LRP1B: variants seen among roughly 807,000 people sequenced by gnomAD.
LRP1B encodes the protein low-density lipoprotein receptor-related protein 1B.
LRP1B carries 217 observed loss-of-function variants against 556.6 expected under a neutral mutation model. The ratio of observed to expected loss-of-function variants is 0.39; its 90% confidence interval spans 0.35 to 0.44. The LOEUF is 0.44. Among genes scored for constraint, LRP1B ranks in the 20% least tolerant of loss-of-function variants. LRP1B has a pLI of 1.00. For missense variants in LRP1B, 5,053 were observed against 5,620.8 expected (o/e 0.90, Z 3.23); for synonymous variants, 2,047 against 1,865.8 (o/e 1.10, Z -2.50).
At chr2:141,114,855 T>A (rs980053320) in intron 7 of LRP1B, among the ~76,000 whole-genome samples, 14 of 150,412 alleles carry the variant, frequency 9.3e-5, no homozygotes, top group Non-Finnish European at 3.0e-5. Context: ...CACATACATG[T>A]CATGAAAACA....
chr2:141,519,040 A>ACCGTG (rs113830084), intron 2 of LRP1B, among the ~76,000 whole-genome samples: 92,059 of 152,012 alleles, frequency 0.61, 28,201 homozygotes, highest in South Asian at 0.7. Context: ...AACTTGAGAA[A>ACCGTG]ATCGCTTTAA....
chr2:141,122,435 C>T (rs942585858), intron 7 of LRP1B, among the ~76,000 whole-genome samples: 99 of 149,300 alleles, frequency 6.6e-4, no homozygotes, highest in East Asian at 3.9e-3. Context: ...AAAAAGTGGG[C>T]AAAGGATATG....
chr2:140,459,937 T>C (rs1687249911), intron 60 of LRP1B, among the ~76,000 whole-genome samples: 1 of 152,198 alleles, frequency 6.6e-6, no homozygotes, highest in Non-Finnish European at 1.5e-5. Flanking sequence ...GCCATGATTG[T>C]AAGTTTTCTC....
chr2:140,740,504 C>T (rs922895761), intron 35 of LRP1B, among the ~76,000 whole-genome samples: 5 of 151,968 alleles, frequency 3.3e-5, no homozygotes, highest in African/African-American at 1.2e-4. Flanking sequence ...TTGAGGACTT[C>T]GGGGGAAGGA....
chr2:142,028,742 C>T (rs563258465), intron 1 of LRP1B, among the ~76,000 whole-genome samples: 173 of 152,060 alleles, frequency 1.1e-3, no homozygotes, highest in African/African-American at 3.9e-3. Flanking sequence ...AAAGTGTCAA[C>T]TATTTTCCAA....
chr2:140,997,478 G>A (rs1697280158), intron 15 of LRP1B, among the ~76,000 whole-genome samples: 2 of 151,780 alleles, frequency 1.3e-5, no homozygotes, highest in Admixed American at 6.6e-5. Flanking sequence ...ATAACCTGTG[G>A]TGTGCATGAA....
chr2:140,238,523 A>G (rs1158935282), intron 88 of LRP1B, among the ~76,000 whole-genome samples: 1 of 150,968 alleles, frequency 6.6e-6, no homozygotes. Flanking sequence ...AGCCGAAATG[A>G]CATCATTTGA....
intron 2 of LRP1B, among the ~76,000 whole-genome samples, chr2:141,576,416 A>G (rs1273428170): frequency 6.6e-6 from 1 of 152,178 alleles, no homozygotes; most frequent in Non-Finnish European, 1.5e-5. Flanking sequence ...ACATGGACAC[A>G]GAGAGGGGAA....
At chr2:140,438,419 T>G (rs558743477) in intron 66 of LRP1B, among the ~76,000 whole-genome samples, 6 of 152,334 alleles carry the variant, frequency 3.9e-5, no homozygotes, top group Admixed American at 1.3e-4. Flanking sequence ...ACTGTATAGC[T>G]TATAGCTATA....
At chr2:141,585,403 G>A (rs949302960) in intron 2 of LRP1B, among the ~76,000 whole-genome samples, 2 of 151,116 alleles carry the variant, frequency 1.3e-5, no homozygotes, top group Non-Finnish European at 2.9e-5. Context: ...AGAAGTGCTT[G>A]TGAGTGTCCT....
intron 3 of LRP1B, among the ~76,000 whole-genome samples, chr2:141,276,713 G>A (rs984585307): frequency 3.7e-4 from 53 of 143,336 alleles, no homozygotes; most frequent in African/African-American, 1.4e-3. Context: ...CTGGAGTGCA[G>A]TGGCAAGATC....
chr2:140,487,190 A>C (rs574077118), intron 58 of LRP1B, among the ~76,000 whole-genome samples: 1 of 152,046 alleles, frequency 6.6e-6, no homozygotes, highest in African/African-American at 2.4e-5. Flanking sequence ...TCAATTATTT[A>C]CAACTGTAAT....
At chr2:141,438,290 C>G (rs1345375908) in intron 3 of LRP1B, among the ~76,000 whole-genome samples, 1 of 151,924 alleles carries the variant, frequency 6.6e-6, no homozygotes, top group East Asian at 1.9e-4. Context: ...TATGTGTGTG[C>G]ATGTGTGTAA....
chr2:141,576,826 TTTA>T (rs1574097340), intron 2 of LRP1B, among the ~76,000 whole-genome samples: 1 of 150,270 alleles, frequency 6.7e-6, no homozygotes, highest in East Asian at 1.9e-4. Context: ...CTTTTTTTTT[TTTA>T]AATTTTTTTG....
intron 3 of LRP1B, among the ~76,000 whole-genome samples, chr2:141,344,533 T>G (rs972956631): frequency 2.6e-5 from 4 of 152,176 alleles, no homozygotes; most frequent in African/African-American, 9.6e-5. Flanking sequence ...AACCCTGTGG[T>G]CACTCTATGT....
At chr2:140,670,332 A>C (rs912337029) in intron 41 of LRP1B, among the ~76,000 whole-genome samples, 1 of 152,128 alleles carries the variant, frequency 6.6e-6, no homozygotes, top group African/African-American at 2.4e-5. Flanking sequence ...AGATATTGAC[A>C]AAAAAAGGTA....
chr2:140,812,950 T>C (rs1040097965), intron 32 of LRP1B, among the ~76,000 whole-genome samples: 3 of 152,138 alleles, frequency 2.0e-5, no homozygotes, highest in African/African-American at 7.2e-5. Context: ...CAAAGAGTTC[T>C]TTTTTATGCA....
rs575932325 is a variant in LRP1B at position 141,190,258 on chromosome 2, T to A, written c.851-1675A>T. Among the ~76,000 whole-genome samples, 133 of 152,104 alleles carry A rather than the reference T, an allele frequency of 8.7e-4. 1 individual carries two copies. Among genetic ancestry groups the A allele is most frequent in the African/African-American group, 3.0e-3 (126 of 41,528 alleles). Reference sequence around the variant, plus strand: ...AGTCGTATACTCTGTGGAACCCCAGTGAGTATGCATGTAATAAATTGGCAT... The same window carrying A: ...AGTCGTATACTCTGTGGAACCCCAGAGAGTATGCATGTAATAAATTGGCAT... On this transcript the variant is annotated intron_variant, in intron 6 of 90. Transcript: ENST00000389484.
intron 20 of LRP1B, among the ~76,000 whole-genome samples, chr2:140,944,924 T>C (rs188931157): frequency 2.6e-5 from 4 of 152,222 alleles, no homozygotes; most frequent in African/African-American, 9.6e-5. Flanking sequence ...AATCAGTTAA[T>C]AGAATGAAAT....
Sources: gnomAD v4.1 joint callset for allele counts (sites outside exome capture counted in the v4.1 genomes callset) on GRCh38, gnomAD v4.1.1 for gene constraint, MANE v1.5 for transcripts, NCBI Gene and HGNC (gene_info 2026-07-23, HGNC 2026-07-21) for gene names.